The following SLC27A6 variants were observed in gnomAD, a reference collection of about 807,000 sequenced individuals.
The protein encoded by SLC27A6 is long-chain fatty acid transport protein 6.
In SLC27A6, 74 loss-of-function variants were observed where a neutral mutation model predicts 63.9. That is an observed-to-expected ratio of 1.16 (90% confidence interval 0.96 to 1.40). The LOEUF is 1.40. Among genes scored for constraint, SLC27A6 ranks in the 40% most tolerant of loss-of-function variants. The probability of loss-of-function intolerance (pLI) is 0.00; values close to 1 mark genes in which losing one functional copy is unlikely to be tolerated. For synonymous variants in SLC27A6, 287 were observed against 260.8 expected, an observed-to-expected ratio of 1.10 and a Z score of -0.97; for missense variants, 794 against 732.9, an observed-to-expected ratio of 1.08 and a Z score of -0.96.
At chr5:129,001,545 G>A (rs1751335539) in intron 4 of SLC27A6, among the ~76,000 whole-genome samples, 1 of 152,122 alleles carries the variant, frequency 6.6e-6, no homozygotes, top group Admixed American at 6.5e-5. Context: ...CCTAACATAT[G>A]TTTATATTTT....
chr5:128,990,745 G>A (rs925012720), intron 4 of SLC27A6, among the ~76,000 whole-genome samples: 2 of 152,174 alleles, frequency 1.3e-5, no homozygotes, highest in Non-Finnish European at 2.9e-5. Context: ...TAGAAGCCAT[G>A]GGTCATGGAA....
intron 6 of SLC27A6, among the ~76,000 whole-genome samples, chr5:129,026,871 A>G (rs2150155407): frequency 6.6e-6 from 1 of 152,256 alleles, no homozygotes; most frequent in African/African-American, 2.4e-5. Context: ...TGGGAAGTAT[A>G]AGAAATCTAA....
chr5:129,001,841 G>A (rs1190601061), intron 4 of SLC27A6, among the ~76,000 whole-genome samples: 5 of 152,184 alleles, frequency 3.3e-5, no homozygotes. Flanking sequence ...ACATGTTTTG[G>A]AAGAAAGAGG....
At chr5:128,978,916 G>A (rs912728259) in intron 1 of SLC27A6, among the ~76,000 whole-genome samples, 4 of 151,990 alleles carry the variant, frequency 2.6e-5, no homozygotes, top group African/African-American at 9.7e-5. Flanking sequence ...TGTTAGAATT[G>A]CCTGCAGTGT....
chr5:129,016,116 G>A (rs781202532), intron 5 of SLC27A6, 37 bp downstream of exon 5: 16 of 1,457,868 alleles, frequency 1.1e-5, no homozygotes, highest in Admixed American at 6.5e-5. Context: ...GAAATACATC[G>A]GTGCGGTGGC....
Position 128,990,425 on chromosome 5 carries a change from T to C in SLC27A6, c.930T>C (p.Tyr310=). Reference sequence around the variant, plus strand: ...AGTATGATGTGACTGTGTTTCAGTATATTGGAGAACTTTGTCGCTACCTTT... The same window carrying C: ...AGTATGATGTGACTGTGTTTCAGTACATTGGAGAACTTTGTCGCTACCTTT... The part of the protein sequence containing the change: ...CKKYDVTVFQ[Y]IGELCRYLCK... The change falls in exon 4 of 10, where the codon TAT becomes TAC. Residue 310 remains tyrosine (Y), a synonymous_variant. Transcript: ENST00000262462. 6.2e-7 allele frequency: 1 copy of C among 1,613,786 alleles called. No individual in the cohort carries two copies. The highest frequency in any genetic ancestry group is 8.5e-7 in the Non-Finnish European group (1 of 1,179,910).
At chr5:128,998,285 A>G (rs960575509) in intron 4 of SLC27A6, among the ~76,000 whole-genome samples, 1 of 152,022 alleles carries the variant, frequency 6.6e-6, no homozygotes, top group Admixed American at 6.6e-5. Context: ...ACAGAGCAAG[A>G]CCTTGTTTCA....
At chr5:128,973,759 C>G (rs1353009154) in intron 1 of SLC27A6, among the ~76,000 whole-genome samples, 2 of 152,206 alleles carry the variant, frequency 1.3e-5, no homozygotes, top group African/African-American at 2.4e-5. Context: ...CTACTTTGCT[C>G]ACACTCTGTG....
At chr5:129,027,670 T>C (rs1752289359) in intron 7 of SLC27A6, among the ~76,000 whole-genome samples, 1 of 152,082 alleles carries the variant, frequency 6.6e-6, no homozygotes, top group South Asian at 2.1e-4. Context: ...GGCCTAATGA[T>C]AAAAATTTTG....
At chr5:128,985,773 T>C (rs1332388792) in intron 2 of SLC27A6, among the ~76,000 whole-genome samples, 3 of 152,218 alleles carry the variant, frequency 2.0e-5, no homozygotes, top group African/African-American at 7.2e-5. Flanking sequence ...AGTGTTTTAA[T>C]GTACTTGAAA....
At chr5:129,016,229 A>G (rs909450391) in intron 5 of SLC27A6, 150 bp downstream of exon 5, 2 of 526,512 alleles carry the variant, frequency 3.8e-6, no homozygotes, top group Non-Finnish European at 6.5e-6. Flanking sequence ...TGTCTCTACT[A>G]AAAATACAAA....
chr5:129,018,541 G>A (rs150454318), intron 5 of SLC27A6, among the ~76,000 whole-genome samples: 19 of 152,166 alleles, frequency 1.2e-4, no homozygotes, highest in African/African-American at 3.4e-4. Context: ...TATTCTGAAC[G>A]AAAGCATTTT....
chr5:128,996,434 C>T (rs1751162459), intron 4 of SLC27A6, among the ~76,000 whole-genome samples: 1 of 152,174 alleles, frequency 6.6e-6, no homozygotes, highest in Non-Finnish European at 1.5e-5. Flanking sequence ...ATGTCTTACA[C>T]TTGACTCCCA....
chr5:129,000,372 A>G (rs566887468), intron 4 of SLC27A6, among the ~76,000 whole-genome samples: 1 of 152,194 alleles, frequency 6.6e-6, no homozygotes, highest in Non-Finnish European at 1.5e-5. Context: ...TGCCTGACAC[A>G]TAGTAGATCC....
chr5:128,979,682 CT>C (rs961651016), intron 1 of SLC27A6, among the ~76,000 whole-genome samples: 18 of 152,088 alleles, frequency 1.2e-4, no homozygotes, highest in Admixed American at 4.6e-4. Flanking sequence ...AAGTGTTCGA[CT>C]TTTTCTTTTT....
chr5:129,002,017 T>G (rs1751351857), intron 4 of SLC27A6, among the ~76,000 whole-genome samples: 1 of 152,148 alleles, frequency 6.6e-6, no homozygotes, highest in African/African-American at 2.4e-5. Flanking sequence ...AACCAGAGTT[T>G]TGGTTCAAGT....
intron 9 of SLC27A6, among the ~76,000 whole-genome samples, chr5:129,032,331 T>C (rs1044665528): frequency 6.6e-6 from 1 of 152,008 alleles, no homozygotes; most frequent in Non-Finnish European, 1.5e-5. Context: ...TAAGGAGATG[T>C]AAGTTGGGCC....
chr5:128,966,633 G>A lies in SLC27A6; in HGVS notation c.481+15G>A. 1 of 1,502,290 alleles carries A rather than the reference G, an allele frequency of 6.7e-7. No individual in the cohort carries two copies. Among genetic ancestry groups the A allele is most frequent in the Non-Finnish European group, 8.8e-7 (1 of 1,134,198 alleles). The allele number at this position is 1,502,290 out of a possible 1,614,324, so 93.1% of individuals were successfully genotyped here. A position where few individuals can be genotyped will look rare whatever the true frequency, so the allele number is the denominator to read the frequency against. Reference sequence around the variant, plus strand: ...GGTGGGCGCAGGTAGAGTATGGGGTGTGGTCTGCCTATACAGAATGGCAGC... The same window carrying A: ...GGTGGGCGCAGGTAGAGTATGGGGTATGGTCTGCCTATACAGAATGGCAGC... On this transcript the variant is annotated intron_variant, in intron 1 of 9. Transcript: ENST00000262462.
chr5:128,994,934 T>G (rs1392511536), intron 4 of SLC27A6, among the ~76,000 whole-genome samples: 1 of 152,192 alleles, frequency 6.6e-6, no homozygotes, highest in African/African-American at 2.4e-5. Context: ...GCATAAACGT[T>G]AGATGTACTT....
Sources: gnomAD v4.1 joint callset for allele counts (sites outside exome capture counted in the v4.1 genomes callset) on GRCh38, gnomAD v4.1.1 for gene constraint, MANE v1.5 for transcripts, NCBI Gene and HGNC (gene_info 2026-07-23, HGNC 2026-07-21) for gene names.